ENTPD5: variants seen among roughly 807,000 people sequenced by gnomAD.
The protein encoded by ENTPD5 is ectonucleoside triphosphate diphosphohydrolase 5 (inactive), also known as nucleoside diphosphate phosphatase ENTPD5.
A neutral mutation model predicts 60.2 loss-of-function variants in ENTPD5; 49 were observed. That is an observed-to-expected ratio of 0.81 (90% CI 0.65 to 1.03). The LOEUF (loss-of-function observed/expected upper bound fraction) is 1.03. ENTPD5 is among the 50% of genes least tolerant of loss of function. ENTPD5 has a pLI of 0.00. For synonymous variants in ENTPD5, 187 were observed against 185.4 expected (o/e 1.01, Z -0.07); for missense variants, 480 against 507.6 (o/e 0.95, Z 0.52).
intron 6 of ENTPD5, among the ~76,000 whole-genome samples, chr14:73,978,990 T>C (rs1009775759): frequency 6.6e-6 from 1 of 152,212 alleles, no homozygotes; most frequent in South Asian, 2.1e-4. Context: ...CCCTTAACCC[T>C]GCCTCTCTGA....
At chr14:73,960,394 CA>C (rs771145442), downstream of ENTPD5, 32 of 987,640 alleles carry the variant, frequency 3.2e-5, no homozygotes, top group Non-Finnish European at 3.6e-5. Context: ...ATATGGGTAC[CA>C]GTATTACTTT....
intron 3 of ENTPD5, among the ~76,000 whole-genome samples, chr14:73,988,641 C>T (rs1288005363): frequency 1.3e-5 from 2 of 152,062 alleles, no homozygotes; most frequent in Non-Finnish European, 2.9e-5. Flanking sequence ...TAAGTTTGTA[C>T]CCATTAACCA....
At chr14:74,004,404 C>T (rs1426826682) in intron 3 of ENTPD5, among the ~76,000 whole-genome samples, 2 of 152,140 alleles carry the variant, frequency 1.3e-5, no homozygotes, top group Non-Finnish European at 2.9e-5. Flanking sequence ...CTCAGGTGAT[C>T]CACCTGCGTT....
chr14:73,990,775 T>G (rs112190984), intron 3 of ENTPD5, among the ~76,000 whole-genome samples: 17,113 of 152,034 alleles, frequency 0.11, 1,256 homozygotes, highest in Admixed American at 0.19. Context: ...ATGCCTGTAA[T>G]CTCAGCACTT....
intron 1 of ENTPD5, chr14:74,018,563 G>A (rs960737885): frequency 2.6e-5 from 4 of 152,184 alleles, no homozygotes; most frequent in Admixed American, 1.3e-4. Flanking sequence ...GGGATTTCAG[G>A]AGTCGGGGAG....
At chr14:73,956,050 T>TGCG, downstream of ENTPD5, 2 of 1,459,258 alleles carry the variant, frequency 1.4e-6, no homozygotes, top group South Asian at 2.3e-5. Context: ...GATGGCCGGG[T>TGCG]GCGGTGGCTC....
chr14:73,956,339 A>AT, downstream of ENTPD5: 1 of 202,230 alleles, frequency 4.9e-6, no homozygotes, highest in South Asian at 9.4e-5. Context: ...AAAAAAAAAA[A>AT]AAAATTCCTC....
downstream of ENTPD5, chr14:73,962,859 G>GAAAT (rs1195915688): frequency 1.1e-6 from 1 of 947,450 alleles, no homozygotes; most frequent in Non-Finnish European, 1.7e-6. Context: ...TTTTTTAGCT[G>GAAAT]AAATAAAACA....
chr14:73,961,360 G>A (rs367817034), downstream of ENTPD5: 61 of 1,614,168 alleles, frequency 3.8e-5, 1 homozygote, highest in Middle Eastern at 4.9e-4. Context: ...GTCAGGCCTC[G>A]GGTGGCGCTC....
chr14:73,989,458 G>A (rs956026285), intron 3 of ENTPD5, among the ~76,000 whole-genome samples: 2 of 149,598 alleles, frequency 1.3e-5, no homozygotes, highest in South Asian at 2.2e-4. Flanking sequence ...AGTACTTTGG[G>A]AGGCCGAGGC....
At chr14:73,983,911 G>A (rs1278942591) in intron 5 of ENTPD5, among the ~76,000 whole-genome samples, 7 of 151,946 alleles carry the variant, frequency 4.6e-5, no homozygotes, top group Non-Finnish European at 7.4e-5. Context: ...GGCTGGTCTC[G>A]AATACCTGAC....
chr14:74,006,431 C>A (rs947482214), intron 3 of ENTPD5, among the ~76,000 whole-genome samples: 10 of 151,886 alleles, frequency 6.6e-5, no homozygotes, highest in African/African-American at 2.4e-4. Context: ...CTACAGGTGC[C>A]CGCCGCCACG....
intron 3 of ENTPD5, among the ~76,000 whole-genome samples, chr14:73,997,133 C>G (rs573454277): frequency 2.6e-5 from 4 of 152,034 alleles, no homozygotes; most frequent in Non-Finnish European, 5.9e-5. Flanking sequence ...AGGAATTATC[C>G]TGGGAAAATG....
intron 15 of ENTPD5, among the ~76,000 whole-genome samples, chr14:73,967,657 A>T (rs187540372): frequency 3.3e-5 from 5 of 152,014 alleles, no homozygotes; most frequent in Admixed American, 6.6e-5. Context: ...AAAATTAGAC[A>T]AGAGTGGTGG....
intron 3 of ENTPD5, among the ~76,000 whole-genome samples, chr14:73,990,377 C>T (rs2058081502): frequency 1.6e-5 from 2 of 128,624 alleles, no homozygotes; most frequent in African/African-American, 5.0e-5. Flanking sequence ...CTCTGTCACC[C>T]CGGCTGGAGT....
At chr14:73,956,054 G>C (rs567228483), downstream of ENTPD5, 1 of 1,407,700 alleles carries the variant, frequency 7.1e-7, no homozygotes, top group African/African-American at 1.4e-5. Context: ...GCCGGGTGCG[G>C]TGGCTCACGC....
intron 3 of ENTPD5, among the ~76,000 whole-genome samples, chr14:73,995,592 A>G (rs1376800589): frequency 2.0e-5 from 3 of 147,342 alleles, no homozygotes; most frequent in African/African-American, 7.4e-5. Flanking sequence ...CTCAAATAAT[A>G]ATAATAATAA....
At chr14:73,992,763 G>A (rs1311984007) in intron 3 of ENTPD5, among the ~76,000 whole-genome samples, 1 of 152,108 alleles carries the variant, frequency 6.6e-6, no homozygotes, top group Admixed American at 6.6e-5. Context: ...AGCATTTTGG[G>A]AGGCCGAGGC....
At chr14:73,959,899 A>G, downstream of ENTPD5, 1 of 1,207,788 alleles carries the variant, frequency 8.3e-7, no homozygotes, top group African/African-American at 1.6e-5. Context: ...AGGAAAAAGG[A>G]GTAACCAGTC....
Sources: allele counts gnomAD v4.1 joint callset (sites outside exome capture counted in the v4.1 genomes callset), GRCh38; gene constraint gnomAD v4.1.1; transcripts MANE v1.5; gene names NCBI Gene and HGNC (gene_info 2026-07-23, HGNC 2026-07-21).